The following CTNND1 variants were observed in gnomAD, a reference collection of about 807,000 sequenced individuals.
CTNND1 encodes the protein catenin delta 1, also known as catenin delta-1.
A neutral mutation model predicts 112.1 loss-of-function variants in CTNND1; 16 were observed. The ratio of observed to expected loss-of-function variants is 0.14; its 90% CI spans 0.10 to 0.22. The LOEUF is 0.22. Among genes scored for constraint, CTNND1 ranks in the 10% least tolerant of loss-of-function variants. The pLI is 1.00. For synonymous variants in CTNND1, 420 were observed against 446.5 expected (o/e 0.94, Z 0.75); for missense variants, 1,008 against 1,257.0 (o/e 0.80, Z 3.00).
At position 57,817,310 on chromosome 11, in the gene CTNND1, A is replaced by G. The variant is rs1391035766; in HGVS notation, c.*1002A>G. 2 of 152,628 alleles carry G rather than the reference A, an allele frequency of 1.3e-5. No individual in the cohort carries two copies. Among genetic ancestry groups the G allele is most frequent in the African/African-American group, 4.8e-5 (2 of 41,404 alleles). The allele number at this position is 152,628 out of a possible 1,614,324, so 9.5% of individuals were successfully genotyped here. A position where few individuals can be genotyped will look rare whatever the true frequency, so the allele number is the denominator to read the frequency against. On this transcript the variant is annotated 3_prime_UTR_variant, in exon 21 of 21. Coordinates refer to ENST00000399050, the MANE Select transcript of CTNND1 (RefSeq NM_001085458.2). ...CCTGGATTGGTTGGCAAACTAAAGG[A>G]CTTGATGTACATAACTCCTGTCCCT...
At chr11:57,797,165 G>A (rs184789569) in intron 6 of CTNND1, among the ~76,000 whole-genome samples, 173 bp downstream of exon 6, 1 of 149,166 alleles carries the variant, frequency 6.7e-6, no homozygotes, top group Non-Finnish European at 1.5e-5. Context: ...ACTTGGCTTA[G>A]TATTGACTTG....
intron 4 of CTNND1, 52 bp downstream of exon 4, chr11:57,794,133 C>T (rs998955981): frequency 2.4e-5 from 36 of 1,522,232 alleles, no homozygotes; most frequent in Non-Finnish European, 2.8e-5. Context: ...TTCTTATTTC[C>T]CCAGCCTATA....
intron 3 of CTNND1, among the ~76,000 whole-genome samples, 199 bp from the exon 4 acceptor site, chr11:57,793,811 T>C (rs562782284): frequency 4.6e-5 from 7 of 152,244 alleles, no homozygotes; most frequent in Non-Finnish European, 7.4e-5. Context: ...TCTGCCAGAG[T>C]TCCAGGCCTG....
At chr11:57,811,680 A>G (rs964173530) in intron 17 of CTNND1, among the ~76,000 whole-genome samples, 194 bp downstream of exon 17, 7 of 152,270 alleles carry the variant, frequency 4.6e-5, no homozygotes, top group Non-Finnish European at 8.8e-5. Flanking sequence ...ACAGGTAATT[A>G]GCCTGAATGT....
In CTNND1 at chr11:57,791,472, T is replaced by C. The variant is rs996773531; in HGVS notation, c.-7T>C. 8.0e-6 allele frequency: 12 copies of C among 1,498,102 alleles called. No homozygotes were observed. Among genetic ancestry groups the C allele is most frequent in the Non-Finnish European group, 1.1e-5 (12 of 1,119,208 alleles). 92.8% of individuals were successfully genotyped at this position (1,498,102 alleles called of 1,614,324 possible). A position where few individuals can be genotyped will look rare whatever the true frequency, so the allele number is the denominator to read the frequency against. ...CCTGCCCTGCGGCGGCTCCGCCCCTTACCTTCATGGACGACTCAGAGGTGG... is the reference window on the plus strand; with the variant it reads ...CCTGCCCTGCGGCGGCTCCGCCCCTCACCTTCATGGACGACTCAGAGGTGG... On this transcript the variant is annotated 5_prime_UTR_variant, in exon 3 of 21. Coordinates refer to ENST00000399050, the MANE Select transcript of CTNND1 (RefSeq NM_001085458.2).
intron 16 of CTNND1, 134 bp downstream of exon 16, chr11:57,810,357 C>A: frequency 1.8e-6 from 1 of 558,338 alleles, no homozygotes; most frequent in Non-Finnish European, 2.9e-6. Flanking sequence ...GAGACAGAGT[C>A]TCACTCTGTT....
At chr11:57,784,458 G>C (rs2059927967) in intron 1 of CTNND1, among the ~76,000 whole-genome samples, 1 of 150,162 alleles carries the variant, frequency 6.7e-6, no homozygotes, top group Admixed American at 6.6e-5. Flanking sequence ...ATGGAGTTTT[G>C]CCTGTCATTG....
Position 57,788,101 on chromosome 11 carries a change from G to T in CTNND1, c.-213-936G>T, listed in dbSNP as rs1334903781. 6.6e-6 allele frequency among the ~76,000 whole-genome samples: 1 copy of T among 152,226 alleles called. No homozygotes were observed. The highest frequency in any genetic ancestry group is 6.5e-5 in the Admixed American group (1 of 15,284). ...GCACTTCAGACCCTGTTGAAATTCA[G>T]TAACTGGAAGAATCTCTTTTTGAGC... On this transcript the variant is annotated intron_variant, in intron 1 of 20. Transcript: ENST00000399050. This position sits in a 1 kb window ranked among gnomAD's most constrained non-coding sequence, Gnocchi z 4.1.
At chr11:57,803,826 A>C (rs2062307312) in intron 8 of CTNND1, 22 bp downstream of exon 8, 6 of 1,517,088 alleles carry the variant, frequency 4.0e-6, no homozygotes, top group Non-Finnish European at 5.3e-6. Flanking sequence ...GACTTTGAGA[A>C]TATGAAGATG....
At chr11:57,794,107 T>C (rs1348321173) in intron 4 of CTNND1, 26 bp downstream of exon 4, 1 of 1,604,292 alleles carries the variant, frequency 6.2e-7, no homozygotes, top group East Asian at 2.2e-5. Context: ...AAGACCTGGG[T>C]TGCTTCATTC....
rs1425370535 is a variant in CTNND1, at chr11:57,817,037, T to TA, written c.*731dup. 6.5e-6 allele frequency: 1 copy of TA among 153,310 alleles called. No individual in the cohort carries two copies. The highest frequency in any genetic ancestry group is 1.5e-5 in the Non-Finnish European group (1 of 68,614). The allele number at this position is 153,310 out of a possible 1,614,324, so 9.5% of individuals were successfully genotyped here. A position where few individuals can be genotyped will look rare whatever the true frequency, so the allele number is the denominator to read the frequency against. On this transcript the variant is annotated 3_prime_UTR_variant, in exon 21 of 21. Coordinates refer to ENST00000399050, the MANE Select transcript of CTNND1 (RefSeq NM_001085458.2). ...CTGCCCCTTAAACACAGGCTGTCCT[T>TA]AACCCACCTCTCCTGCCCTGTGATA...
chr11:57,806,398 C>G, intron 10 of CTNND1, 63 bp from the exon 11 acceptor site: 3 of 1,438,160 alleles, frequency 2.1e-6, no homozygotes, highest in Non-Finnish European at 2.9e-6. Flanking sequence ...TGACATCTTT[C>G]TCCTGCATTT....
chr11:57,769,266 G>A (rs1385518495), intron 1 of CTNND1, among the ~76,000 whole-genome samples: 1 of 151,782 alleles, frequency 6.6e-6, no homozygotes, highest in Admixed American at 6.6e-5. Context: ...AGGTTGCAGT[G>A]AGCCGATATC....
At chr11:57,775,997 T>TG (rs1954135209) in intron 1 of CTNND1, among the ~76,000 whole-genome samples, 2 of 152,120 alleles carry the variant, frequency 1.3e-5, no homozygotes, top group African/African-American at 4.8e-5. Context: ...ACCAAAGAGT[T>TG]GGAGGGAAGA....
intron 6 of CTNND1, 39 bp from the exon 7 acceptor site, chr11:57,801,694 G>T: frequency 6.5e-7 from 1 of 1,543,122 alleles, no homozygotes; most frequent in South Asian, 1.2e-5. Context: ...TAGCCATAAT[G>T]ACTTGATGTA....
intron 7 of CTNND1, among the ~76,000 whole-genome samples, chr11:57,803,011 C>T (rs1372022596): frequency 6.6e-6 from 1 of 152,130 alleles, no homozygotes; most frequent in Non-Finnish European, 1.5e-5. Flanking sequence ...CAAGACAGCT[C>T]CTCATAACAA....
rs189815667 is a variant in CTNND1, at chr11:57,810,345, C to T, written c.2550+122C>T. On this transcript the variant is annotated intron_variant, in intron 16 of 20. Coordinates refer to ENST00000399050, the MANE Select transcript of CTNND1 (RefSeq NM_001085458.2). Reference sequence around the variant, plus strand: ...CTAAACCTATTTTTTTTTTCTTTTTCGGAGACAGAGTCTCACTCTGTTGCC... The same window carrying T: ...CTAAACCTATTTTTTTTTTCTTTTTTGGAGACAGAGTCTCACTCTGTTGCC... 4,160 of 638,744 alleles carry T rather than the reference C, an allele frequency of 6.5e-3. 19 individuals are homozygous for T. Among genetic ancestry groups the T allele is most frequent in the Middle Eastern group, 0.013 (31 of 2,464 alleles). 39.6% of individuals were successfully genotyped at this position (638,744 alleles called of 1,614,324 possible). A position where few individuals can be genotyped will look rare whatever the true frequency, so the allele number is the denominator to read the frequency against.
intron 1 of CTNND1, among the ~76,000 whole-genome samples, chr11:57,777,043 A>C (rs1954440776): frequency 1.3e-5 from 2 of 152,218 alleles, no homozygotes; most frequent in African/African-American, 4.8e-5. Flanking sequence ...TAAGAATACT[A>C]ACAGTCATAA....
chr11:57,807,993 A>T (rs936488404), intron 12 of CTNND1, among the ~76,000 whole-genome samples, 172 bp from the exon 13 acceptor site: 1 of 152,174 alleles, frequency 6.6e-6, no homozygotes, highest in Non-Finnish European at 1.5e-5. Flanking sequence ...TTCTTAAGAC[A>T]TGGAATTTGG....
Sources: gnomAD v4.1 joint callset for allele counts (sites outside exome capture counted in the v4.1 genomes callset) on GRCh38, gnomAD v4.1.1 for gene constraint, Gnocchi (gnomAD v3.1) non-coding constraint, MANE v1.5 for transcripts, NCBI Gene and HGNC (gene_info 2026-07-23, HGNC 2026-07-21) for gene names.